The following ADGRL2 variants were observed in gnomAD, a reference collection of about 807,000 sequenced individuals.
ADGRL2 encodes the protein adhesion G protein-coupled receptor L2, also known as calcium-independent alpha-latrotoxin receptor 2.
Under a neutral mutation model 157.4 loss-of-function variants are expected in ADGRL2, and 44 were observed. The observed-to-expected ratio is 0.28, with a 90% CI of 0.22 to 0.36. The LOEUF is 0.36. Ranked by LOEUF, ADGRL2 falls within the 10% of genes least tolerant of loss-of-function variation. The probability of loss-of-function intolerance (pLI) is 1.00; values close to 1 mark genes in which losing one functional copy is unlikely to be tolerated. For synonymous variants in ADGRL2, 585 were observed against 624.7 expected (o/e 0.94, Z 0.95); for missense variants, 1,510 against 1,768.9 (o/e 0.85, Z 2.63).
chr1:81,436,280 C>T (rs906988223), intron 1 of ADGRL2, among the ~76,000 whole-genome samples: 13 of 152,044 alleles, frequency 8.6e-5, no homozygotes, highest in African/African-American at 2.7e-4. Context: ...GACGACATCA[C>T]GGTAGAGCAT....
intron 1 of ADGRL2, among the ~76,000 whole-genome samples, chr1:81,384,034 G>A (rs2076392680): frequency 6.6e-6 from 1 of 151,716 alleles, no homozygotes; most frequent in Admixed American, 6.6e-5. Flanking sequence ...ATTTAACAAG[G>A]TCTATCCAAA....
intron 3 of ADGRL2, among the ~76,000 whole-genome samples, chr1:81,648,093 G>C (rs2082347592): frequency 6.6e-6 from 1 of 152,004 alleles, no homozygotes; most frequent in Non-Finnish European, 1.5e-5. Flanking sequence ...AAGTATTTTG[G>C]GATTTCTCCT....
At chr1:81,488,954 G>C (rs185913475) in intron 2 of ADGRL2, among the ~76,000 whole-genome samples, 3 of 152,194 alleles carry the variant, frequency 2.0e-5, no homozygotes, top group African/African-American at 7.2e-5. Flanking sequence ...TGGAAAATCT[G>C]GCTGGGTGCA....
At chr1:81,456,032 A>G (rs1254056294) in intron 2 of ADGRL2, among the ~76,000 whole-genome samples, 2 of 152,196 alleles carry the variant, frequency 1.3e-5, no homozygotes, top group Non-Finnish European at 2.9e-5. Context: ...TAAGTTTAAT[A>G]ACCTCATAAA....
intron 1 of ADGRL2, among the ~76,000 whole-genome samples, chr1:81,805,840 T>G (rs2089056249): frequency 2.0e-5 from 3 of 152,214 alleles, no homozygotes; most frequent in Admixed American, 1.3e-4. Flanking sequence ...ACATTATCCT[T>G]TACAGCTATT....
At chr1:81,868,060 G>GGTGTGTGTGT (rs145794673) in intron 2 of ADGRL2, among the ~76,000 whole-genome samples, 117 of 145,658 alleles carry the variant, frequency 8.0e-4, no homozygotes, top group African/African-American at 2.2e-3. Context: ...GTGTGTGTGT[G>GGTGTGTGTGT]GTGTGTGTGT....
At chr1:81,363,732 G>A (rs1281940725) in intron 1 of ADGRL2, among the ~76,000 whole-genome samples, 1 of 151,988 alleles carries the variant, frequency 6.6e-6, no homozygotes, top group East Asian at 1.9e-4. Context: ...TCCTAATAAA[G>A]AAAGGGAACT....
chr1:81,421,161 T>C (rs1250957957), intron 1 of ADGRL2, among the ~76,000 whole-genome samples: 2 of 152,236 alleles, frequency 1.3e-5, no homozygotes, highest in African/African-American at 4.8e-5. Context: ...AGCCTCATTT[T>C]TTTCTCCTAT....
chr1:81,776,043 G>A (rs1215548572), intron 2 of ADGRL2, among the ~76,000 whole-genome samples: 3 of 152,062 alleles, frequency 2.0e-5, no homozygotes, highest in East Asian at 1.9e-4. Flanking sequence ...CACAAGTAAT[G>A]ATTTACTATC....
At chr1:81,722,069 G>A (rs1274321723) in intron 1 of ADGRL2, 1 of 387,316 alleles carries the variant, frequency 2.6e-6, no homozygotes, top group African/African-American at 2.1e-5. Context: ...GAGGCGGGCG[G>A]ATCACGAGGT....
At chr1:81,335,194 A>C (rs1403420090) in intron 1 of ADGRL2, among the ~76,000 whole-genome samples, 1 of 152,202 alleles carries the variant, frequency 6.6e-6, no homozygotes, top group African/African-American at 2.4e-5. Flanking sequence ...TGTGTTTTTT[A>C]ATATTTGCAT....
At chr1:81,896,785 T>C (rs2094397431) in intron 2 of ADGRL2, among the ~76,000 whole-genome samples, 1 of 152,104 alleles carries the variant, frequency 6.6e-6, no homozygotes, top group Non-Finnish European at 1.5e-5. Context: ...AGTAAGGAGG[T>C]AATATAAGTA....
chr1:81,602,544 A>G (rs1283201043), intron 3 of ADGRL2, among the ~76,000 whole-genome samples: 1 of 152,114 alleles, frequency 6.6e-6, no homozygotes, highest in Admixed American at 6.5e-5. Flanking sequence ...GTGAGCCGAG[A>G]TAGAGCCACT....
chr1:81,855,757 A>G (rs1223464034), intron 2 of ADGRL2, among the ~76,000 whole-genome samples: 3 of 152,152 alleles, frequency 2.0e-5, no homozygotes, highest in Non-Finnish European at 4.4e-5. Context: ...CTGTGAGCTG[A>G]ATTCATCCTG....
intron 2 of ADGRL2, among the ~76,000 whole-genome samples, chr1:81,511,451 C>T (rs968421819): frequency 6.7e-6 from 1 of 149,674 alleles, no homozygotes; most frequent in Non-Finnish European, 1.5e-5. Flanking sequence ...AAAACACCAA[C>T]ACCAAAGGCC....
At chr1:81,891,165 T>A (rs919868709) in intron 2 of ADGRL2, among the ~76,000 whole-genome samples, 1 of 151,744 alleles carries the variant, frequency 6.6e-6, no homozygotes, top group Non-Finnish European at 1.5e-5. Context: ...AATATTATTA[T>A]AGTATTATTT....
chr1:81,422,268 G>A (rs1312417904), intron 1 of ADGRL2, among the ~76,000 whole-genome samples: 1 of 151,000 alleles, frequency 6.6e-6, no homozygotes, highest in Admixed American at 6.6e-5. Context: ...TTTTTGAGAC[G>A]GAGTCTCGTT....
intron 1 of ADGRL2, among the ~76,000 whole-genome samples, chr1:81,314,073 G>A (rs1044762493): frequency 3.9e-5 from 6 of 152,004 alleles, no homozygotes; most frequent in African/African-American, 1.5e-4. Flanking sequence ...TATCTGTCAG[G>A]GTAAATCTGT....
At chr1:81,722,575 C>G (rs927096740) in intron 1 of ADGRL2, 2 of 1,474,898 alleles carry the variant, frequency 1.4e-6, no homozygotes, top group Non-Finnish European at 1.9e-6. Context: ...AGCACACAGA[C>G]GCCTAGGCCA....
Sources: gnomAD v4.1 joint callset for allele counts (sites outside exome capture counted in the v4.1 genomes callset) on GRCh38, gnomAD v4.1.1 for gene constraint, MANE v1.5 for transcripts, NCBI Gene and HGNC (gene_info 2026-07-23, HGNC 2026-07-21) for gene names.